Variants in RIT2 observed in about 807,000 individuals in gnomAD.
RIT2 encodes GTP-binding protein Rit2.
A neutral mutation model predicts 23.7 loss-of-function variants in RIT2; 24 were observed. The observed-to-expected ratio is 1.01, with a 90% CI of 0.73 to 1.43. The LOEUF (loss-of-function observed/expected upper bound fraction) is 1.43. Among genes scored for constraint, RIT2 ranks in the 40% most tolerant of loss-of-function variants. RIT2 has a pLI of 0.00. For missense variants in RIT2, 236 were observed against 266.9 expected, an observed-to-expected ratio of 0.88 and a Z score of 0.81; for synonymous variants, 107 against 91.1, an observed-to-expected ratio of 1.17 and a Z score of -0.99.
intron 4 of RIT2, among the ~76,000 whole-genome samples, chr18:42,780,728 G>A (rs1331436562): frequency 6.6e-6 from 1 of 151,776 alleles, no homozygotes; most frequent in Non-Finnish European, 1.5e-5. Flanking sequence ...TAATGTTGAT[G>A]TTGGTCAGTC....
intron 3 of RIT2, among the ~76,000 whole-genome samples, chr18:42,924,587 G>C (rs907321392): frequency 2.6e-5 from 4 of 151,988 alleles, no homozygotes; most frequent in African/African-American, 9.7e-5. Context: ...TAATTAGATA[G>C]AAGCAATGAA....
intron 1 of RIT2, among the ~76,000 whole-genome samples, chr18:43,038,514 T>C (rs1912043650): frequency 6.6e-6 from 1 of 152,106 alleles, no homozygotes; most frequent in South Asian, 2.1e-4. Flanking sequence ...TTCCAAACTA[T>C]TCTCCCAAGG....
intron 4 of RIT2, among the ~76,000 whole-genome samples, chr18:42,840,912 G>A (rs867595815): frequency 2.6e-5 from 4 of 152,288 alleles, no homozygotes; most frequent in Admixed American, 2.0e-4. Context: ...TCAAAACCGC[G>A]TCTGTCATAT....
intron 3 of RIT2, among the ~76,000 whole-genome samples, chr18:42,946,030 C>T (rs546598351): frequency 1.5e-4 from 23 of 152,124 alleles, no homozygotes; most frequent in Admixed American, 3.3e-4. Flanking sequence ...AAATTTTAAA[C>T]GCTGTGAATA....
intron 3 of RIT2, among the ~76,000 whole-genome samples, chr18:42,952,126 G>A (rs1431307746): frequency 1.3e-5 from 2 of 152,072 alleles, no homozygotes; most frequent in African/African-American, 4.8e-5. Context: ...GGGTATTATG[G>A]GAGCTTCAAT....
intron 4 of RIT2, among the ~76,000 whole-genome samples, chr18:42,819,082 G>T (rs553134881): frequency 6.6e-6 from 1 of 152,112 alleles, no homozygotes; most frequent in East Asian, 1.9e-4. Flanking sequence ...ACAAATGAAG[G>T]CAGAGATGGT....
At chr18:43,099,863 A>G (rs886658502) in intron 1 of RIT2, among the ~76,000 whole-genome samples, 1 of 152,148 alleles carries the variant, frequency 6.6e-6, no homozygotes, top group Non-Finnish European at 1.5e-5. Context: ...CTTTCAAAAT[A>G]TAACTAGAGT....
At chr18:42,998,921 C>A (rs73951787) in intron 2 of RIT2, among the ~76,000 whole-genome samples, 18,735 of 151,996 alleles carry the variant, frequency 0.12, 1,279 homozygotes, top group African/African-American at 0.16. Flanking sequence ...CAGATGATTG[C>A]GAACCAGGTT....
intron 4 of RIT2, among the ~76,000 whole-genome samples, chr18:42,838,360 T>C (rs1404152113): frequency 6.6e-6 from 1 of 152,124 alleles, no homozygotes; most frequent in Non-Finnish European, 1.5e-5. Context: ...TTAAAAAACA[T>C]GATGGACTGG....
At chr18:42,763,682 C>T (rs1913356680) in intron 4 of RIT2, among the ~76,000 whole-genome samples, 1 of 152,098 alleles carries the variant, frequency 6.6e-6, no homozygotes, top group African/African-American at 2.4e-5. Context: ...TCTCAGCTGA[C>T]TGTAACTTTG....
chr18:42,799,933 AATTT>A (rs1439414905), intron 4 of RIT2, among the ~76,000 whole-genome samples: 1 of 152,136 alleles, frequency 6.6e-6, no homozygotes, highest in African/African-American at 2.4e-5. Flanking sequence ...TTCTTTCATT[AATTT>A]ATTATAATTG....
intron 4 of RIT2, among the ~76,000 whole-genome samples, chr18:42,868,290 A>T (rs1227613552): frequency 6.6e-6 from 1 of 152,142 alleles, no homozygotes; most frequent in African/African-American, 2.4e-5. Flanking sequence ...CCTCAGTGGG[A>T]TCTCTCATAA....
intron 1 of RIT2, among the ~76,000 whole-genome samples, chr18:43,074,085 T>A (rs1912957757): frequency 6.6e-6 from 1 of 152,180 alleles, no homozygotes; most frequent in Non-Finnish European, 1.5e-5. Context: ...AACAGCCTTT[T>A]TATTTTTTAG....
intron 4 of RIT2, among the ~76,000 whole-genome samples, chr18:42,846,398 T>G (rs1275935105): frequency 6.6e-6 from 1 of 152,002 alleles, no homozygotes; most frequent in Non-Finnish European, 1.5e-5. Context: ...ACCATGAATT[T>G]GAGTATGTAT....
intron 4 of RIT2, 85 bp downstream of exon 4, chr18:42,923,487 G>C: frequency 9.1e-7 from 1 of 1,093,342 alleles, no homozygotes; most frequent in Non-Finnish European, 1.3e-6. Flanking sequence ...ATAATTTTCA[G>C]TGTGAACCTG....
intron 4 of RIT2, among the ~76,000 whole-genome samples, chr18:42,918,381 A>G (rs895001699): frequency 2.0e-5 from 3 of 152,126 alleles, no homozygotes; most frequent in Non-Finnish European, 4.4e-5. Flanking sequence ...ATTTAATTTA[A>G]TTAAATAACA....
chr18:42,958,842 C>G (rs553795831), intron 3 of RIT2, among the ~76,000 whole-genome samples: 6 of 152,226 alleles, frequency 3.9e-5, no homozygotes, highest in African/African-American at 1.2e-4. Context: ...CCTCACAGTT[C>G]TTTCTCTATG....
chr18:42,900,233 G>A (rs1047775837), intron 4 of RIT2, among the ~76,000 whole-genome samples: 12 of 152,040 alleles, frequency 7.9e-5, no homozygotes, highest in African/African-American at 2.7e-4. Flanking sequence ...CTCTTTGGTG[G>A]AAGATATTAT....
At chr18:42,964,304 AG>A (rs1166307985) in intron 3 of RIT2, among the ~76,000 whole-genome samples, 1 of 152,116 alleles carries the variant, frequency 6.6e-6, no homozygotes, top group African/African-American at 2.4e-5. Flanking sequence ...GAACTGGGTC[AG>A]GCAAATCTTC....
Sources: gnomAD v4.1 joint callset for allele counts (sites outside exome capture counted in the v4.1 genomes callset) on GRCh38, gnomAD v4.1.1 for gene constraint, MANE v1.5 for transcripts, NCBI Gene and HGNC (gene_info 2026-07-23, HGNC 2026-07-21) for gene names.